The following MEGF11 variants were observed in gnomAD, a reference collection of about 807,000 sequenced individuals.
MEGF11 encodes the protein multiple EGF like domains 11.
A neutral mutation model predicts 146.6 loss-of-function variants in MEGF11; 126 were observed. The observed-to-expected ratio is 0.86, with a 90% CI of 0.74 to 1.00. The LOEUF is 1.00. MEGF11 is among the 50% of genes least tolerant of loss of function. The pLI is 0.00. For missense variants in MEGF11, 1,509 were observed against 1,521.2 expected (o/e 0.99, Z 0.13); for synonymous variants, 532 against 583.4 (o/e 0.91, Z 1.27).
At chr15:65,916,347 C>T in intron 17 of MEGF11, 71 bp from the exon 18 acceptor site, 1 of 1,490,594 alleles carries the variant, frequency 6.7e-7, no homozygotes, top group Non-Finnish European at 9.0e-7. Flanking sequence ...AGGAACCAGA[C>T]CTGTCTTCTG....
At chr15:66,203,392 G>T (rs1336532494) in intron 1 of MEGF11, among the ~76,000 whole-genome samples, 1 of 152,212 alleles carries the variant, frequency 6.6e-6, no homozygotes, top group Non-Finnish European at 1.5e-5. Context: ...GTCAATTTTT[G>T]TTCTTTCATT....
chr15:66,204,411 AAAAAAG>A (rs546156371), intron 1 of MEGF11, among the ~76,000 whole-genome samples: 80 of 152,150 alleles, frequency 5.3e-4, no homozygotes, highest in African/African-American at 1.8e-3. Flanking sequence ...TCTCAAAAAT[AAAAAAG>A]AAAAAGAAAA....
chr15:66,065,592 G>T (rs2085089691), intron 5 of MEGF11, among the ~76,000 whole-genome samples: 1 of 152,220 alleles, frequency 6.6e-6, no homozygotes, highest in Admixed American at 6.5e-5. Context: ...GCAGGTGGGG[G>T]TGGGTACTGA....
intron 1 of MEGF11, among the ~76,000 whole-genome samples, chr15:66,137,221 G>A (rs2088925635): frequency 6.6e-6 from 1 of 152,164 alleles, no homozygotes; most frequent in Non-Finnish European, 1.5e-5. Context: ...TTTGGGGAAG[G>A]GATGGAAGAT....
intron 10 of MEGF11, among the ~76,000 whole-genome samples, chr15:65,939,319 G>A (rs745381041): frequency 5.9e-5 from 9 of 152,172 alleles, no homozygotes; most frequent in Admixed American, 1.3e-4. Flanking sequence ...CCTGGGGACA[G>A]AGTACATAGG....
intron 1 of MEGF11, among the ~76,000 whole-genome samples, chr15:66,143,926 G>T (rs895009037): frequency 2.2e-4 from 33 of 152,164 alleles, no homozygotes; most frequent in African/African-American, 7.5e-4. Context: ...TGGGGACCAG[G>T]AGGGGACAGA....
chr15:66,022,902 C>T lies in MEGF11; in HGVS notation c.395-40414G>A, dbSNP rs182668225. On this transcript the variant is annotated intron_variant, in intron 5 of 25. Coordinates refer to ENST00000395614, the MANE Select transcript of MEGF11 (RefSeq NM_001385028.1). ...TAGTGGCTCATGACTGTAATCCTAG[C>T]ACTTTGGGAGGCTGACGGGTGGGGT... Among the ~76,000 whole-genome samples, 116 of 150,464 alleles carry T rather than the reference C, an allele frequency of 7.7e-4. 1 individual carries two copies. The East Asian group carries it at 0.016, about 20-fold the overall frequency.
At chr15:66,070,830 C>T (rs1395231322) in intron 5 of MEGF11, among the ~76,000 whole-genome samples, 2 of 152,308 alleles carry the variant, frequency 1.3e-5, no homozygotes, top group African/African-American at 2.4e-5. Context: ...GAGTCCACCA[C>T]ATAGTAAGTG....
intron 1 of MEGF11, among the ~76,000 whole-genome samples, chr15:66,164,716 G>A (rs2090051012): frequency 6.6e-6 from 1 of 152,162 alleles, no homozygotes; most frequent in South Asian, 2.1e-4. Context: ...TACCTTTCTG[G>A]AGGCCACTCC....
At chr15:65,938,754 G>C (rs1471925670) in intron 10 of MEGF11, among the ~76,000 whole-genome samples, 3 of 152,238 alleles carry the variant, frequency 2.0e-5, no homozygotes, top group Non-Finnish European at 4.4e-5. Context: ...CCTCGACGCT[G>C]GTCCCACTAA....
chr15:66,039,550 A>G (rs935437371), intron 5 of MEGF11, among the ~76,000 whole-genome samples: 1 of 152,228 alleles, frequency 6.6e-6, no homozygotes, highest in Non-Finnish European at 1.5e-5. Context: ...AAACAGACAC[A>G]GTGAGTTGAG....
rs545844128 is a variant in MEGF11 at position 66,043,548 on chromosome 15, A to G, written c.394+50854T>C. ...GTTGACACAAAAGAAGCCATATTTGAGAAGGCTTTATCAGCATCCAGAGTC... is the reference window on the plus strand; with the variant it reads ...GTTGACACAAAAGAAGCCATATTTGGGAAGGCTTTATCAGCATCCAGAGTC... On this transcript the variant is annotated intron_variant, in intron 5 of 25. Coordinates refer to ENST00000395614, the MANE Select transcript of MEGF11 (RefSeq NM_001385028.1). Among the ~76,000 whole-genome samples the G allele has an allele frequency of 3.9e-5, 6 of 152,382 alleles. No homozygotes were observed. In the East Asian group the frequency reaches 1.2e-3, roughly 29 times the overall value.
At chr15:65,915,915 C>G (rs187850809) in intron 18 of MEGF11, among the ~76,000 whole-genome samples, 1 of 152,196 alleles carries the variant, frequency 6.6e-6, no homozygotes, top group Admixed American at 6.5e-5. Context: ...ACTATTCTCT[C>G]ATTACTTGCT....
chr15:66,139,640 TA>T (rs1323221804), intron 1 of MEGF11, among the ~76,000 whole-genome samples: 2 of 151,568 alleles, frequency 1.3e-5, no homozygotes, highest in African/African-American at 4.8e-5. Flanking sequence ...GGGAGAAAAT[TA>T]CAAAAGGTGG....
In MEGF11 at chr15:66,013,633, C is replaced by A. The variant is rs561902171; in HGVS notation, c.395-31145G>T. 2.0e-5 allele frequency among the ~76,000 whole-genome samples: 3 copies of A among 152,280 alleles called. No individual in the cohort carries two copies. The South Asian group carries it at 6.2e-4, about 32-fold the overall frequency. ...TTGAGGCCAAAGATCTGAAGCTGGGCTGTCTTACTCCAACACCCATCATGA... is the reference window on the plus strand; with the variant it reads ...TTGAGGCCAAAGATCTGAAGCTGGGATGTCTTACTCCAACACCCATCATGA... On this transcript the variant is annotated intron_variant, in intron 5 of 25. Coordinates refer to ENST00000395614, the MANE Select transcript of MEGF11 (RefSeq NM_001385028.1).
intron 1 of MEGF11, among the ~76,000 whole-genome samples, chr15:66,227,915 C>T (rs930390964): frequency 2.0e-5 from 3 of 152,178 alleles, no homozygotes; most frequent in Non-Finnish European, 4.4e-5. Context: ...TCCCGTCAGA[C>T]TCCACCACCT....
At chr15:66,009,132 A>G (rs975977082) in intron 5 of MEGF11, among the ~76,000 whole-genome samples, 3 of 152,168 alleles carry the variant, frequency 2.0e-5, no homozygotes, top group Non-Finnish European at 2.9e-5. Context: ...AGATCTTGCA[A>G]TCTGTGCCTG....
chr15:66,007,329 A>G (rs529560567), intron 5 of MEGF11, among the ~76,000 whole-genome samples: 2 of 152,380 alleles, frequency 1.3e-5, no homozygotes, highest in Non-Finnish European at 2.9e-5. Context: ...CACATAGCAT[A>G]TTCCAGAGGC....
chr15:66,216,461 A>G (rs2091586315), intron 1 of MEGF11, among the ~76,000 whole-genome samples: 1 of 152,194 alleles, frequency 6.6e-6, no homozygotes, highest in South Asian at 2.1e-4. Flanking sequence ...CTCTCACAGC[A>G]GCACTGTGCC....
Sources: gnomAD v4.1 joint callset for allele counts (sites outside exome capture counted in the v4.1 genomes callset) on GRCh38, gnomAD v4.1.1 for gene constraint, MANE v1.5 for transcripts, NCBI Gene and HGNC (gene_info 2026-07-23, HGNC 2026-07-21) for gene names.